Variants in FMO1 observed in about 807,000 individuals in gnomAD.
FMO1 encodes flavin-containing monooxygenase 1.
A neutral mutation model predicts 45.4 loss-of-function variants in FMO1; 36 were observed. The observed-to-expected ratio is 0.79, with a 90% CI of 0.61 to 1.05. The LOEUF (loss-of-function observed/expected upper bound fraction) is 1.05. Among genes scored for constraint, FMO1 ranks in the 50% least tolerant of loss-of-function variants. FMO1 has a pLI of 0.00. For synonymous variants in FMO1, 228 were observed against 227.2 expected, an observed-to-expected ratio of 1.00 and a Z score of -0.03; for missense variants, 615 against 640.3, an observed-to-expected ratio of 0.96 and a Z score of 0.43.
chr1:171,262,670 T>C (rs947911192), intron 2 of FMO1, among the ~76,000 whole-genome samples: 2 of 152,250 alleles, frequency 1.3e-5, no homozygotes, highest in African/African-American at 2.4e-5. Context: ...ATCTGATTCC[T>C]GTAACCTTTC....
At chr1:171,283,794 C>T (rs1048402864) in intron 8 of FMO1, among the ~76,000 whole-genome samples, 4 of 152,106 alleles carry the variant, frequency 2.6e-5, no homozygotes, top group African/African-American at 9.7e-5. Context: ...TAGAACACAG[C>T]CATGGTTATT....
At chr1:171,262,473 C>T (rs1660417130) in intron 2 of FMO1, among the ~76,000 whole-genome samples, 1 of 152,194 alleles carries the variant, frequency 6.6e-6, no homozygotes, top group African/African-American at 2.4e-5. Context: ...TCCTCATGTG[C>T]ATCCAGTTCT....
At chr1:171,262,490 C>T (rs1660417591) in intron 2 of FMO1, among the ~76,000 whole-genome samples, 3 of 152,192 alleles carry the variant, frequency 2.0e-5, no homozygotes, top group Non-Finnish European at 1.5e-5. Context: ...TTCTTTTCCT[C>T]CGCACATGCA....
chr1:171,253,876 C>T (rs10912669), intron 1 of FMO1: 49,524 of 151,944 alleles, frequency 0.33, 8,794 homozygotes, highest in African/African-American at 0.47. Context: ...CTTCTGTATA[C>T]TGGATGTTTA....
chr1:171,272,288 G>A (rs1049083379), intron 3 of FMO1, among the ~76,000 whole-genome samples: 8 of 152,262 alleles, frequency 5.3e-5, no homozygotes, highest in African/African-American at 1.9e-4. Flanking sequence ...AGGATGTATG[G>A]AAATGCCTGG....
At chr1:171,263,052 G>A (rs1465160354) in intron 2 of FMO1, among the ~76,000 whole-genome samples, 4 of 152,122 alleles carry the variant, frequency 2.6e-5, no homozygotes, top group Admixed American at 6.5e-5. Context: ...CTTTATATCC[G>A]TTTTTAAAAT....
At chr1:171,264,792 G>A (rs906463230) in intron 2 of FMO1, among the ~76,000 whole-genome samples, 19 of 152,072 alleles carry the variant, frequency 1.2e-4, no homozygotes, top group Non-Finnish European at 2.6e-4. Flanking sequence ...CCAACTACTC[G>A]GGAGGCCGAG....
chr1:171,248,590 G>C lies in FMO1; in HGVS notation c.-40G>C, dbSNP rs902107101. ...GCTAATACCAGAGTCCTGCGTGGCA[G>C]AGCCATTGGCACCAGAAATTACAAG... On this transcript the variant is annotated 5_prime_UTR_variant, in exon 1 of 9. Transcript: ENST00000617670. 5 of 152,152 alleles carry C rather than the reference G, an allele frequency of 3.3e-5. No homozygotes were observed. The highest frequency in any genetic ancestry group is 7.3e-5 in the Non-Finnish European group (5 of 68,036). 9.4% of individuals were successfully genotyped at this position (152,152 alleles called of 1,614,324 possible).
chr1:171,265,712 A>T (rs989041419), intron 2 of FMO1, among the ~76,000 whole-genome samples: 6 of 152,042 alleles, frequency 3.9e-5, no homozygotes, highest in African/African-American at 1.5e-4. Flanking sequence ...TTAAATACAC[A>T]TTTTTTTATA....
intron 1 of FMO1, among the ~76,000 whole-genome samples, chr1:171,256,653 T>G (rs1054963205): frequency 2.0e-5 from 3 of 152,106 alleles, no homozygotes; most frequent in Admixed American, 2.0e-4. Flanking sequence ...AGGACCTTTT[T>G]ATTTCATTAA....
intron 2 of FMO1, among the ~76,000 whole-genome samples, chr1:171,263,798 G>A (rs1172137383): frequency 1.3e-5 from 2 of 152,176 alleles, no homozygotes. Flanking sequence ...AGCACGGGTG[G>A]GAGGGTGCAG....
intron 2 of FMO1, among the ~76,000 whole-genome samples, chr1:171,259,844 A>C (rs1044850979): frequency 6.6e-6 from 1 of 152,172 alleles, no homozygotes; most frequent in Non-Finnish European, 1.5e-5. Flanking sequence ...CCAGTGCACA[A>C]AGCACAAAAC....
chr1:171,284,728 T>TAAA (rs36009487), intron 8 of FMO1, among the ~76,000 whole-genome samples: 1 of 106,856 alleles, frequency 9.4e-6, no homozygotes, highest in African/African-American at 3.1e-5. Context: ...CAAGACCTTG[T>TAAA]AAAAAAAAAA....
At chr1:171,282,357 A>G in intron 7 of FMO1, 24 bp downstream of exon 7, 1 of 1,521,530 alleles carries the variant, frequency 6.6e-7, no homozygotes, top group Non-Finnish European at 9.0e-7. Flanking sequence ...ATAGCAGGGC[A>G]TGTGTTTTTG....
At position 171,282,725 on chromosome 1, in the gene FMO1, C is replaced by T. The variant is rs532228157; in HGVS notation, c.1183+392C>T. On this transcript the variant is annotated intron_variant, in intron 7 of 8. Coordinates refer to ENST00000617670, the MANE Select transcript of FMO1 (RefSeq NM_001282693.2). Reference sequence around the variant, plus strand: ...CTCAAACTCCTGGTCTCAAGCAATCCTCCTACCTCAGTCTCCTGAGTAGTG... The same window carrying T: ...CTCAAACTCCTGGTCTCAAGCAATCTTCCTACCTCAGTCTCCTGAGTAGTG... The T allele has an allele frequency of 1.2e-4, 26 of 220,248 alleles. No individual in the cohort carries two copies. In the East Asian group the frequency reaches 3.1e-3, roughly 26 times the overall value. 13.6% of individuals were successfully genotyped at this position (220,248 alleles called of 1,614,324 possible).
chr1:171,278,976 C>T (rs942927737), intron 5 of FMO1, 105 bp downstream of exon 5: 1 of 867,850 alleles, frequency 1.2e-6, no homozygotes, highest in Non-Finnish European at 1.6e-6. Flanking sequence ...AAATGTCTCA[C>T]ATGCAAACAA....
intron 1 of FMO1, among the ~76,000 whole-genome samples, chr1:171,254,481 A>T (rs1571325067): frequency 6.6e-6 from 1 of 152,350 alleles, no homozygotes; most frequent in South Asian, 2.1e-4. Flanking sequence ...GTTACACAAC[A>T]GCTATTATAG....
chr1:171,266,215 G>A (rs1160530153), intron 2 of FMO1, among the ~76,000 whole-genome samples: 2 of 152,062 alleles, frequency 1.3e-5, no homozygotes, highest in African/African-American at 2.4e-5. Context: ...ACAAAAACAA[G>A]ACTGATTTAT....
At chr1:171,281,584 C>T (rs1661360936) in intron 6 of FMO1, among the ~76,000 whole-genome samples, 1 of 152,146 alleles carries the variant, frequency 6.6e-6, no homozygotes, top group South Asian at 2.1e-4. Flanking sequence ...GCATGTTTCC[C>T]TTATAAAACT....
Sources: gnomAD v4.1 joint callset for allele counts (sites outside exome capture counted in the v4.1 genomes callset) on GRCh38, gnomAD v4.1.1 for gene constraint, MANE v1.5 for transcripts, NCBI Gene and HGNC (gene_info 2026-07-23, HGNC 2026-07-21) for gene names.